The following WWOX variants were observed in gnomAD, a reference collection of about 807,000 sequenced individuals.
WWOX encodes WW domain containing oxidoreductase, also known as WW domain-containing oxidoreductase.
A neutral mutation model predicts 46.2 loss-of-function variants in WWOX; 69 were observed. The ratio of observed to expected loss-of-function variants is 1.49; its 90% confidence interval spans 1.23 to 1.82. WWOX has a LOEUF of 1.82. Among genes scored for constraint, WWOX ranks in the 40% most tolerant of loss-of-function variants. The probability of loss-of-function intolerance (pLI) is 0.00; values close to 1 mark genes in which losing one functional copy is unlikely to be tolerated. For missense variants in WWOX, 919 were observed against 542.6 expected, an observed-to-expected ratio of 1.69 and a Z score of -6.89; for synonymous variants, 359 against 202.6, an observed-to-expected ratio of 1.77 and a Z score of -6.56.
intron 5 of WWOX, among the ~76,000 whole-genome samples, chr16:78,242,084 G>A (rs748331968): frequency 6.6e-6 from 1 of 152,140 alleles, no homozygotes; most frequent in African/African-American, 2.4e-5. Context: ...TAGCCTTGCC[G>A]CCCTGCAGAC....
intron 8 of WWOX, among the ~76,000 whole-genome samples, chr16:78,948,566 T>C (rs926304383): frequency 3.9e-5 from 6 of 152,122 alleles, no homozygotes; most frequent in Non-Finnish European, 7.3e-5. Context: ...CTCTGCTTCA[T>C]GCCTGCTGCC....
At chr16:78,175,944 C>T (rs769212355) in intron 5 of WWOX, among the ~76,000 whole-genome samples, 24 of 152,074 alleles carry the variant, frequency 1.6e-4, no homozygotes, top group Admixed American at 4.6e-4. Flanking sequence ...CCTAAGTTCC[C>T]GGGGTTGCAT....
chr16:78,633,681 C>A (rs1426989243), intron 8 of WWOX, among the ~76,000 whole-genome samples: 1 of 152,130 alleles, frequency 6.6e-6, no homozygotes, highest in Non-Finnish European at 1.5e-5. Context: ...CTACCTCCTG[C>A]GTGCTTTTAT....
chr16:78,514,861 G>A (rs763427871), intron 8 of WWOX, among the ~76,000 whole-genome samples: 3 of 152,130 alleles, frequency 2.0e-5, no homozygotes, highest in African/African-American at 4.8e-5. Flanking sequence ...CTATTTGAGT[G>A]CTGGGAATAC....
At chr16:79,119,087 G>A (rs2049575205) in intron 8 of WWOX, among the ~76,000 whole-genome samples, 1 of 152,068 alleles carries the variant, frequency 6.6e-6, no homozygotes, top group African/African-American at 2.4e-5. Context: ...TTAAAGGTTT[G>A]TGAGACATAT....
intron 5 of WWOX, among the ~76,000 whole-genome samples, chr16:78,343,537 C>G (rs540600249): frequency 8.3e-6 from 1 of 120,990 alleles, no homozygotes; most frequent in South Asian, 2.5e-4. Flanking sequence ...CTTCTGGGCA[C>G]AGCCCCCCTT....
intron 8 of WWOX, among the ~76,000 whole-genome samples, chr16:78,548,626 T>C (rs546333786): frequency 8.5e-4 from 130 of 152,334 alleles, no homozygotes; most frequent in African/African-American, 3.1e-3. Context: ...TGACTCTAAA[T>C]GATTTTGCCT....
At chr16:78,863,836 A>T (rs554564937) in intron 8 of WWOX, among the ~76,000 whole-genome samples, 1 of 152,210 alleles carries the variant, frequency 6.6e-6, no homozygotes, top group African/African-American at 2.4e-5. Flanking sequence ...TCCACATCCT[A>T]TAAATGCTAT....
chr16:78,524,277 G>T (rs1057302137), intron 8 of WWOX, among the ~76,000 whole-genome samples: 4 of 152,136 alleles, frequency 2.6e-5, no homozygotes, highest in African/African-American at 9.7e-5. Context: ...CAGCCATGAT[G>T]AGCAATACTC....
chr16:78,749,485 A>G (rs1198876804), intron 8 of WWOX, among the ~76,000 whole-genome samples: 1 of 152,224 alleles, frequency 6.6e-6, no homozygotes, highest in African/African-American at 2.4e-5. Context: ...TAGAATATTA[A>G]ATCATAATGA....
intron 5 of WWOX, among the ~76,000 whole-genome samples, chr16:78,176,170 C>T (rs767393559): frequency 3.9e-5 from 6 of 152,242 alleles, no homozygotes; most frequent in Non-Finnish European, 8.8e-5. Flanking sequence ...CCGAGTTCCA[C>T]TGGCTGCATT....
At chr16:78,154,192 T>A (rs1206007546) in intron 4 of WWOX, among the ~76,000 whole-genome samples, 2 of 152,182 alleles carry the variant, frequency 1.3e-5, no homozygotes, top group Non-Finnish European at 2.9e-5. Flanking sequence ...TTTTGCTTCC[T>A]ACATGATTTT....
intron 8 of WWOX, among the ~76,000 whole-genome samples, chr16:78,906,043 A>C (rs1221508456): frequency 6.6e-6 from 1 of 152,246 alleles, no homozygotes; most frequent in East Asian, 1.9e-4. Flanking sequence ...GAATGAATGA[A>C]TGAATGAATA....
chr16:78,218,031 C>T (rs1597365350), intron 5 of WWOX, among the ~76,000 whole-genome samples: 2 of 152,198 alleles, frequency 1.3e-5, no homozygotes, highest in South Asian at 2.1e-4. Context: ...TTCCCTCTCC[C>T]TCCCTGTGCT....
intron 8 of WWOX, among the ~76,000 whole-genome samples, chr16:79,045,623 A>C (rs1448742960): frequency 6.6e-6 from 1 of 152,124 alleles, no homozygotes; most frequent in Non-Finnish European, 1.5e-5. Context: ...GAAAAGGACC[A>C]GCTTGGAGGC....
chr16:78,155,144 T>C (rs934712259), intron 4 of WWOX, among the ~76,000 whole-genome samples: 5 of 151,314 alleles, frequency 3.3e-5, no homozygotes, highest in African/African-American at 9.7e-5. Context: ...TGCTGGCAAC[T>C]AATTCAAATT....
chr16:78,821,386 CCTT>C (rs1447152215), intron 8 of WWOX, among the ~76,000 whole-genome samples: 1 of 152,146 alleles, frequency 6.6e-6, no homozygotes, highest in African/African-American at 2.4e-5. Context: ...TCTGGTTTAT[CCTT>C]CTTTCCCCCT....
intron 4 of WWOX, chr16:78,123,617 C>G (rs922455642): frequency 6.6e-6 from 1 of 151,592 alleles, no homozygotes; most frequent in Non-Finnish European, 1.5e-5. Flanking sequence ...GCCAACACGT[C>G]TGGCTAATTT....
chr16:79,128,644 T>A (rs2049811325), intron 8 of WWOX, among the ~76,000 whole-genome samples: 1 of 152,224 alleles, frequency 6.6e-6, no homozygotes, highest in South Asian at 2.1e-4. Flanking sequence ...TTCCAAAGAA[T>A]GATTTCACTC....
Sources: gnomAD v4.1 joint callset for allele counts (sites outside exome capture counted in the v4.1 genomes callset) on GRCh38, gnomAD v4.1.1 for gene constraint, MANE v1.5 for transcripts, NCBI Gene and HGNC (gene_info 2026-07-23, HGNC 2026-07-21) for gene names.